Variants in ZNF732 observed in about 807,000 individuals in gnomAD.
The protein encoded by ZNF732 is zinc finger protein 732, also known as zinc finger protein LOC654254.
In ZNF732, 12 loss-of-function variants were observed where a neutral mutation model predicts 11.5. That is an observed-to-expected ratio of 1.05 (90% CI 0.67 to 1.70). The LOEUF (loss-of-function observed/expected upper bound fraction) is 1.70. ZNF732 is among the 40% of genes most tolerant of loss of function. The pLI, the probability that ZNF732 is intolerant of heterozygous loss-of-function variation, is 0.00. For synonymous variants in ZNF732, 231 were observed against 236.5 expected, an observed-to-expected ratio of 0.98 and a Z score of 0.21; for missense variants, 702 against 676.9, an observed-to-expected ratio of 1.04 and a Z score of -0.41.
rs1719411429 is a variant in ZNF732 at position 272,559 on chromosome 4, A to C, written c.298T>G (p.Leu100Val). The C allele has an allele frequency of 6.3e-7, 1 of 1,595,932 alleles. No individual in the cohort carries two copies. Among genetic ancestry groups the C allele is most frequent in the Admixed American group, 1.8e-5 (1 of 56,074 alleles). Residue 100 changes from leucine to valine, a missense_variant, in exon 4 of 4, where the codon TTA (leucine) becomes GTA (valine). By Grantham distance (32) the Leu-to-Val change is conservative. Transcript: ENST00000419098. Reference sequence around the variant, plus strand: ...TGTCCACATTTCTCATATCTTCTTAATATAAGTTTGTGGAACGAATCTTCT... The same window carrying C: ...TGTCCACATTTCTCATATCTTCTTACTATAAGTTTGTGGAACGAATCTTCT... ...GIEDSFHKLI[L>V]RRYEKCGHEN...
Position 303,229 on chromosome 4 carries a change from AC to A in ZNF732, c.3+2078del, listed in dbSNP as rs1191895139. Among the ~76,000 whole-genome samples the A allele has an allele frequency of 3.3e-5, 5 of 151,118 alleles. No individual in the cohort carries two copies. In the East Asian group the frequency reaches 7.7e-4, roughly 23 times the overall value. On this transcript the variant is annotated intron_variant, in intron 1 of 3. Coordinates refer to ENST00000419098, the MANE Select transcript of ZNF732 (RefSeq NM_001137608.3). ...ATTTCTGTAAAATTGTTTTAACTAG[AC>A]CCCCCCTCCCCTTTCTAAACCAAAG...
At chr4:304,509 A>G (rs529865430) in intron 1 of ZNF732, among the ~76,000 whole-genome samples, 1 of 152,104 alleles carries the variant, frequency 6.6e-6, no homozygotes, top group East Asian at 1.9e-4. Context: ...GCAACTCACT[A>G]ACGACACCAC....
intron 1 of ZNF732, among the ~76,000 whole-genome samples, chr4:304,670 T>C (rs1488580306): frequency 1.3e-5 from 2 of 152,118 alleles, no homozygotes; most frequent in Non-Finnish European, 2.9e-5. Flanking sequence ...AGTTCAATAA[T>C]GTGGCAGAAC....
intron 3 of ZNF732, among the ~76,000 whole-genome samples, chr4:285,258 G>A (rs1219704475): frequency 6.6e-6 from 1 of 152,180 alleles, no homozygotes; most frequent in Non-Finnish European, 1.5e-5. Flanking sequence ...GGTGGAGAAA[G>A]GACTGGTTAC....
intron 3 of ZNF732, among the ~76,000 whole-genome samples, chr4:273,768 T>C (rs533964226): frequency 2.0e-5 from 3 of 151,664 alleles, no homozygotes; most frequent in African/African-American, 7.2e-5. Flanking sequence ...AAAATAAAAG[T>C]GATGTGTCAT....
chr4:305,410 G>C lies in ZNF732; in HGVS notation c.-100C>G, dbSNP rs917689425. ...CTGAGGCTGTGACCGAATCACCGAC[G>C]CCTCCCTGAGGGGTGAAAGCACGGC... On this transcript the variant is annotated 5_prime_UTR_variant, in exon 1 of 4. Transcript: ENST00000419098. The C allele has an allele frequency of 1.0e-5, 16 of 1,538,988 alleles. No individual in the cohort carries two copies. Among genetic ancestry groups the C allele is most frequent in the Non-Finnish European group, 1.4e-5 (16 of 1,127,290 alleles).
At chr4:286,615 A>G (rs1447769543) in intron 3 of ZNF732, among the ~76,000 whole-genome samples, 1 of 152,248 alleles carries the variant, frequency 6.6e-6, no homozygotes, top group African/African-American at 2.4e-5. Context: ...GAAACAGACT[A>G]AACTGTGACA....
intron 1 of ZNF732, among the ~76,000 whole-genome samples, chr4:299,467 ATATATACACATATATACACATATGTGTG>A (rs1720054494): frequency 9.0e-6 from 1 of 111,250 alleles, no homozygotes; most frequent in East Asian, 2.7e-4. Flanking sequence ...ATGTGTATAT[ATATATACACATATATACACATATGTGTG>A]TATATATACA....
At chr4:284,565 A>C (rs142868241) in intron 3 of ZNF732, among the ~76,000 whole-genome samples, 3 of 152,208 alleles carry the variant, frequency 2.0e-5, no homozygotes, top group African/African-American at 7.2e-5. Context: ...GAACAGAAAC[A>C]AATTAGAGAC....
rs1159484728 is a variant in ZNF732 at position 271,093 on chromosome 4, A to G, written c.*6T>C. On this transcript the variant is annotated 3_prime_UTR_variant, in exon 4 of 4. Transcript: ENST00000419098. ...ATCCAAAGGCTTTGCCACATTCTTC[A>G]TATTTCTAGAGTTTCTCTCCAGTAT... is the stretch of plus-strand genomic sequence containing the variant. 5.3e-6 allele frequency: 8 copies of G among 1,501,584 alleles called. No homozygotes were observed. The highest frequency in any genetic ancestry group is 1.7e-4 in the Middle Eastern group (1 of 5,728). The allele number at this position is 1,501,584 out of a possible 1,614,324, so 93.0% of individuals were successfully genotyped here.
intron 3 of ZNF732, among the ~76,000 whole-genome samples, chr4:276,205 CACAA>C (rs1191847845): frequency 1.3e-5 from 2 of 151,686 alleles, no homozygotes; most frequent in African/African-American, 2.4e-5. Flanking sequence ...CATTGTTACA[CACAA>C]ACAAAATAAG....
intron 3 of ZNF732, among the ~76,000 whole-genome samples, chr4:276,229 TAAAAAC>T (rs1343425712): frequency 6.6e-6 from 1 of 151,692 alleles, no homozygotes; most frequent in African/African-American, 2.4e-5. Context: ...GTATACAACT[TAAAAAC>T]AATAGGGAAA....
chr4:292,097 C>T (rs1210251586), intron 3 of ZNF732, among the ~76,000 whole-genome samples: 1 of 152,034 alleles, frequency 6.6e-6, no homozygotes, highest in Non-Finnish European at 1.5e-5. Flanking sequence ...AGATAAAAAA[C>T]CTTAGAACTC....
At chr4:287,560 T>C (rs1272377973) in intron 3 of ZNF732, among the ~76,000 whole-genome samples, 1 of 152,100 alleles carries the variant, frequency 6.6e-6, no homozygotes, top group Non-Finnish European at 1.5e-5. Context: ...AGATTTAATA[T>C]TGTCAAATGA....
intron 3 of ZNF732, among the ~76,000 whole-genome samples, chr4:279,630 T>G (rs1719576984): frequency 6.6e-6 from 1 of 152,122 alleles, no homozygotes; most frequent in African/African-American, 2.4e-5. Context: ...AGAGATCCAT[T>G]TCAAAATAAT....
rs541927619 is a variant in ZNF732, at chr4:304,525, G to C, written c.3+783C>G. ...CAACTCACTAACGACACCACCCAGA[G>C]TCAGCGAAGACCCCACAAGCTCAGC... On this transcript the variant is annotated intron_variant, in intron 1 of 3. Coordinates refer to ENST00000419098, the MANE Select transcript of ZNF732 (RefSeq NM_001137608.3). Among the ~76,000 whole-genome samples, 15 of 152,092 alleles carry C rather than the reference G, an allele frequency of 9.9e-5. No homozygotes were observed. The East Asian group carries it at 2.9e-3, about 30-fold the overall frequency.
intron 1 of ZNF732, among the ~76,000 whole-genome samples, chr4:296,969 A>C (rs1261401494): frequency 1.3e-5 from 2 of 152,176 alleles, no homozygotes; most frequent in Non-Finnish European, 2.9e-5. Flanking sequence ...GTAAGTCTGC[A>C]TTTGAAAAAC....
Position 272,224 on chromosome 4 carries a change from A to G in ZNF732, c.633T>C (p.Asn211=), listed in dbSNP as rs781805784. 11 of 1,612,482 alleles carry G rather than the reference A, an allele frequency of 6.8e-6. No homozygotes were observed. Among genetic ancestry groups the G allele is most frequent in the South Asian group, 1.1e-5 (1 of 90,928 alleles). ...CTCCAGTATGAATTATCTCATATTC[A>G]TTAAAGATTAAATACCATTTAAAGT... ...GKDFKWYLIF[N]EYEIIHTGEK... is the part of the protein sequence containing the mutation. The change falls in exon 4 of 4, where the codon AAT becomes AAC. Residue 211 remains asparagine (N), a synonymous_variant. Coordinates refer to ENST00000419098, the MANE Select transcript of ZNF732 (RefSeq NM_001137608.3).
At chr4:303,592 G>A (rs1197209346) in intron 1 of ZNF732, among the ~76,000 whole-genome samples, 1 of 152,146 alleles carries the variant, frequency 6.6e-6, no homozygotes, top group Non-Finnish European at 1.5e-5. Context: ...CTCCAGCCTG[G>A]GCAACAGAGT....
Sources: gnomAD v4.1 joint callset for allele counts (sites outside exome capture counted in the v4.1 genomes callset) on GRCh38, gnomAD v4.1.1 for gene constraint, MANE v1.5 for transcripts, NCBI Gene and HGNC (gene_info 2026-07-23, HGNC 2026-07-21) for gene names.